MTDH: variants seen among roughly 807,000 people sequenced by gnomAD.
MTDH encodes the protein metadherin, also known as protein LYRIC.
Under a neutral mutation model 72.7 loss-of-function variants are expected in MTDH, and 34 were observed. The ratio of observed to expected loss-of-function variants is 0.47; its 90% CI spans 0.36 to 0.62. The LOEUF is 0.62. MTDH is among the 20% of genes least tolerant of loss of function. The pLI, the probability that MTDH is intolerant of heterozygous loss-of-function variation, is 0.00. For synonymous variants in MTDH, 266 were observed against 268.9 expected, an observed-to-expected ratio of 0.99 and a Z score of 0.10; for missense variants, 677 against 699.4, an observed-to-expected ratio of 0.97 and a Z score of 0.36.
chr8:97,692,756 GTC>G (rs1330568798), intron 6 of MTDH, among the ~76,000 whole-genome samples: 1 of 149,248 alleles, frequency 6.7e-6, no homozygotes, highest in East Asian at 2.0e-4. Context: ...TTAAGATGGG[GTC>G]TCTCTCTGTT....
intron 8 of MTDH, among the ~76,000 whole-genome samples, chr8:97,707,561 T>A (rs536690274): frequency 6.7e-6 from 1 of 149,942 alleles, no homozygotes; most frequent in African/African-American, 2.5e-5. Flanking sequence ...AGCCACTGTG[T>A]CTGGCCTGCA....
chr8:97,649,091 C>T (rs1166249560), intron 1 of MTDH, among the ~76,000 whole-genome samples: 2 of 152,196 alleles, frequency 1.3e-5, no homozygotes, highest in Non-Finnish European at 2.9e-5. Flanking sequence ...CCACAGTATT[C>T]AGTACAGCAA....
chr8:97,693,963 C>T (rs1272069602), intron 6 of MTDH, among the ~76,000 whole-genome samples: 2 of 152,108 alleles, frequency 1.3e-5, no homozygotes, highest in Non-Finnish European at 2.9e-5. Context: ...GATCCACCTG[C>T]CTCGGCTTCT....
chr8:97,691,261 G>C, intron 6 of MTDH, 73 bp downstream of exon 6: 2 of 1,087,008 alleles, frequency 1.8e-6, no homozygotes, highest in South Asian at 2.0e-5. Flanking sequence ...TTCAGAAATA[G>C]AAAAAAAAAC....
chr8:97,670,491 G>T (rs746868850), intron 2 of MTDH, among the ~76,000 whole-genome samples: 3 of 152,072 alleles, frequency 2.0e-5, no homozygotes, highest in Admixed American at 6.6e-5. Flanking sequence ...GTGTGGTGGC[G>T]TGTGCCCGTA....
chr8:97,724,345 T>C (rs933722526), intron 11 of MTDH, among the ~76,000 whole-genome samples: 2 of 152,178 alleles, frequency 1.3e-5, no homozygotes, highest in African/African-American at 4.8e-5. Context: ...CCATATTAAA[T>C]AACAGTTTTT....
At chr8:97,668,147 C>T (rs974419934) in intron 2 of MTDH, among the ~76,000 whole-genome samples, 9 of 151,932 alleles carry the variant, frequency 5.9e-5, no homozygotes, top group Non-Finnish European at 1.0e-4. Context: ...ACTAGCCGAG[C>T]GAGGTGGCAG....
At chr8:97,700,451 T>A (rs1814068122) in intron 7 of MTDH, among the ~76,000 whole-genome samples, 1 of 152,230 alleles carries the variant, frequency 6.6e-6, no homozygotes. Flanking sequence ...CACTTATATG[T>A]TCCCTGTGGG....
chr8:97,716,184 C>G (rs1483151936), intron 9 of MTDH, among the ~76,000 whole-genome samples: 2 of 150,626 alleles, frequency 1.3e-5, no homozygotes, highest in Non-Finnish European at 3.0e-5. Flanking sequence ...GTCGGGAGTT[C>G]GAGACCAACC....
At chr8:97,678,952 A>T (rs1032477442) in intron 2 of MTDH, among the ~76,000 whole-genome samples, 63 of 152,140 alleles carry the variant, frequency 4.1e-4, no homozygotes, top group African/African-American at 1.5e-3. Flanking sequence ...AACTTACATC[A>T]TTGCATGATT....
At chr8:97,688,051 T>C (rs1452507879) in intron 4 of MTDH, among the ~76,000 whole-genome samples, 1 of 152,188 alleles carries the variant, frequency 6.6e-6, no homozygotes, top group African/African-American at 2.4e-5. Flanking sequence ...ACCCCACCTT[T>C]TTGAGAATAT....
intron 2 of MTDH, among the ~76,000 whole-genome samples, chr8:97,679,047 C>T (rs1010885703): frequency 3.3e-5 from 5 of 152,066 alleles, no homozygotes; most frequent in Non-Finnish European, 7.4e-5. Flanking sequence ...GAAAAATAGC[C>T]TAACAGCCCA....
chr8:97,702,452 T>G (rs899357975), intron 7 of MTDH, among the ~76,000 whole-genome samples: 8 of 152,154 alleles, frequency 5.3e-5, no homozygotes, highest in African/African-American at 1.4e-4. Context: ...CTGAGAAGAT[T>G]AAATGAGTTA....
At chr8:97,645,091 G>A (rs73286130) in intron 1 of MTDH, among the ~76,000 whole-genome samples, 6,160 of 152,250 alleles carry the variant, frequency 0.04, 410 homozygotes, top group African/African-American at 0.14. Flanking sequence ...AGGACGAGTG[G>A]GGAAGCCCAG....
intron 2 of MTDH, among the ~76,000 whole-genome samples, chr8:97,675,195 A>T (rs991366886): frequency 1.3e-5 from 2 of 152,204 alleles, no homozygotes; most frequent in African/African-American, 4.8e-5. Flanking sequence ...GGCTATAAAT[A>T]TTAAAGATGT....
In MTDH at chr8:97,724,935, T is replaced by C. The variant is rs1289779506; in HGVS notation, c.*265T>C. On this transcript the variant is annotated 3_prime_UTR_variant, in exon 12 of 12. Transcript: ENST00000336273. ...GAACGATCTTAATTTAAGAATATTA[T>C]CCTGGTTTAACAACAGTGCCCTGTT... 5 of 264,186 alleles carry C rather than the reference T, an allele frequency of 1.9e-5. No individual in the cohort carries two copies. Among genetic ancestry groups the C allele is most frequent in the Non-Finnish European group, 2.9e-5 (4 of 139,234 alleles). 16.4% of individuals were successfully genotyped at this position (264,186 alleles called of 1,614,324 possible). A position where few individuals can be genotyped will look rare whatever the true frequency, so the allele number is the denominator to read the frequency against.
intron 2 of MTDH, among the ~76,000 whole-genome samples, chr8:97,667,970 G>T (rs938220087): frequency 1.3e-5 from 2 of 151,840 alleles, no homozygotes; most frequent in African/African-American, 4.8e-5. Context: ...AATATATGTT[G>T]TTTAATGGAA....
chr8:97,647,617 C>CT (rs1271000962), intron 1 of MTDH, among the ~76,000 whole-genome samples: 1 of 152,186 alleles, frequency 6.6e-6, no homozygotes, highest in East Asian at 1.9e-4. Context: ...GAAGACAACT[C>CT]TGTCAGCCTG....
intron 6 of MTDH, among the ~76,000 whole-genome samples, chr8:97,693,902 A>G (rs1813719805): frequency 6.6e-6 from 1 of 151,060 alleles, no homozygotes. Context: ...TTTTTTGTAG[A>G]GACAGTTTCG....
Sources: gnomAD v4.1 joint callset for allele counts (sites outside exome capture counted in the v4.1 genomes callset) on GRCh38, gnomAD v4.1.1 for gene constraint, MANE v1.5 for transcripts, NCBI Gene and HGNC (gene_info 2026-07-23, HGNC 2026-07-21) for gene names.